The following DLK1 variants were observed in gnomAD, a reference collection of about 807,000 sequenced individuals.
The protein encoded by DLK1 is delta like non-canonical Notch ligand 1, also known as protein delta homolog 1.
DLK1 carries 9 observed loss-of-function variants against 35.2 expected under a neutral mutation model. The ratio of observed to expected loss-of-function variants is 0.26; its 90% CI spans 0.15 to 0.45. The LOEUF is 0.45. Ranked by LOEUF, DLK1 falls within the 20% of genes least tolerant of loss-of-function variation. The pLI is 1.00. For synonymous variants in DLK1, 231 were observed against 228.4 expected, an observed-to-expected ratio of 1.01 and a Z score of -0.10; for missense variants, 522 against 528.5, an observed-to-expected ratio of 0.99 and a Z score of 0.12.
At chr14:100,729,577 G>T (rs1284918767) in intron 3 of DLK1, among the ~76,000 whole-genome samples, 1 of 152,144 alleles carries the variant, frequency 6.6e-6, no homozygotes, top group African/African-American at 2.4e-5. Flanking sequence ...GACAGGGCTG[G>T]GGGGCCTGGA....
At chr14:100,730,245 G>A (rs1480238802) in intron 3 of DLK1, among the ~76,000 whole-genome samples, 2 of 152,218 alleles carry the variant, frequency 1.3e-5, no homozygotes, top group Non-Finnish European at 2.9e-5. Flanking sequence ...GCAGCTCTGA[G>A]TCGTTTGAGG....
chr14:100,734,719 C>T lies in DLK1; in HGVS notation c.975C>T (p.Val325=). The change falls in exon 5 of 5, where the codon GTC becomes GTT. Residue 325 remains valine, a synonymous_variant. Transcript: ENST00000341267. This position sits in a 1 kb window ranked among gnomAD's most constrained non-coding sequence, Gnocchi z 7.4. ...TGGTGCTGGGCACTGTGGGTATCGT[C>T]TTCCTCAACAAGTGCGAGACCTGGG... The part of the protein sequence containing the change: ...SLVVLGTVGI[V]FLNKCETWVS... 1 of 1,614,116 alleles carries T rather than the reference C, an allele frequency of 6.2e-7. No individual in the cohort carries two copies. The highest frequency in any genetic ancestry group is 1.6e-4 in the Middle Eastern group (1 of 6,062).
intron 3 of DLK1, chr14:100,729,304 C>T: frequency 2.8e-6 from 2 of 714,242 alleles, no homozygotes; most frequent in Non-Finnish European, 4.9e-6. Flanking sequence ...CTAGAGGGAA[C>T]ATGGCGTGGG....
rs1294126774 is a variant in DLK1 at position 100,728,959 on chromosome 14, C to T, written c.155C>T (p.Pro52Leu). 1.2e-6 allele frequency: 2 copies of T among 1,613,900 alleles called. No homozygotes were observed. Among genetic ancestry groups the T allele is most frequent in the African/African-American group, 1.3e-5 (1 of 74,898 alleles). The change falls in exon 3 of 5, where the codon CCC (proline) becomes CTC (leucine). Residue 52 changes from proline (P) to leucine (L), a missense_variant. Physicochemically the swap from Pro to Leu is moderately conservative, Grantham distance 98. Transcript: ENST00000341267. ...VCRCQPGWQG[P>L]LCDQCVTSPG... is the part of the protein sequence containing the mutation. The stretch of plus-strand genomic sequence containing the variant: ...AGGTGCCAGCCTGGCTGGCAGGGTC[C>T]CCTTTGTGACCAGTGCGTGACCTCT...
intron 1 of DLK1, 133 bp downstream of exon 1, chr14:100,727,268 C>A: frequency 1.1e-6 from 1 of 941,126 alleles, no homozygotes; most frequent in Non-Finnish European, 1.5e-6. Context: ...AAGCCCCGCG[C>A]TGTGCCTGTC....
At chr14:100,728,489 G>A in intron 2 of DLK1, 30 bp downstream of exon 2, 3 of 1,612,888 alleles carry the variant, frequency 1.9e-6, no homozygotes, top group East Asian at 2.2e-5. Flanking sequence ...GAGGCAGCTT[G>A]TAGGGGCCAC....
chr14:100,728,495 G>A, intron 2 of DLK1, 36 bp downstream of exon 2: 2 of 1,611,656 alleles, frequency 1.2e-6, no homozygotes, highest in Non-Finnish European at 1.7e-6. Flanking sequence ...GCTTGTAGGG[G>A]CCACGCAGAA....
In DLK1 at chr14:100,734,153, C is replaced by T. The variant is rs1231575154; in HGVS notation, c.409C>T (p.Pro137Ser). The change falls in exon 5 of 5, where the codon CCC (proline) becomes TCC (serine). Residue 137 changes from proline to serine, a missense_variant. Pro to Ser is a moderately conservative substitution (Grantham distance 74). Transcript: ENST00000341267. This position sits in a 1 kb window ranked among gnomAD's most constrained non-coding sequence, Gnocchi z 7.4. The part of the protein sequence containing the change: ...KDGPCVINGS[P>S]CQHGGTCVDD... ...TATGTCCCTGTTGTGTTGCAGCTCC[C>T]CCTGCCAGCACGGAGGCACCTGCGT... is the stretch of plus-strand genomic sequence containing the variant. 1 of 1,602,068 alleles carries T rather than the reference C, an allele frequency of 6.2e-7. No homozygotes were observed. Among genetic ancestry groups the T allele is most frequent in the Admixed American group, 1.7e-5 (1 of 59,088 alleles).
Position 100,727,907 on chromosome 14 carries a change from A to T in DLK1, c.68-489A>T, listed in dbSNP as rs189215760. Among the ~76,000 whole-genome samples the T allele has an allele frequency of 2.3e-3, 343 of 152,144 alleles. 2 individuals carry two copies. Among genetic ancestry groups the T allele is most frequent in the Non-Finnish European group, 3.8e-3 (256 of 67,980 alleles). ...GACCTGGGTGCCCGGCTTAATAGGG[A>T]TGAACCTTAAAAAGAATGCAGACGC... On this transcript the variant is annotated intron_variant, in intron 1 of 4. Coordinates refer to ENST00000341267, the MANE Select transcript of DLK1 (RefSeq NM_003836.7).
chr14:100,732,506 T>G (rs1272992916), intron 4 of DLK1, among the ~76,000 whole-genome samples: 2 of 152,224 alleles, frequency 1.3e-5, no homozygotes, highest in Non-Finnish European at 1.5e-5. Flanking sequence ...AGTAAAAGAT[T>G]GGAGCTCCGC....
chr14:100,727,891 G>T (rs1047610867), intron 1 of DLK1, among the ~76,000 whole-genome samples: 2 of 152,040 alleles, frequency 1.3e-5, no homozygotes, highest in African/African-American at 4.8e-5. Flanking sequence ...TGACCTGGGT[G>T]CCCGGCTTAA....
chr14:100,733,684 C>T (rs2036534534), intron 4 of DLK1, among the ~76,000 whole-genome samples: 1 of 152,178 alleles, frequency 6.6e-6, no homozygotes. Context: ...TTCTTCTGCC[C>T]CAGCAGTCCA....
chr14:100,729,477 CT>C (rs1241924162), intron 3 of DLK1, among the ~76,000 whole-genome samples: 2 of 151,290 alleles, frequency 1.3e-5, no homozygotes, highest in African/African-American at 4.9e-5. Context: ...ACACGCAAGA[CT>C]GTAAAGAGGC....
In DLK1 at chr14:100,734,061, A is replaced by G. The variant is rs1286677187; in HGVS notation, c.405-88A>G. ...TAAGCACCTGCCCCTTAGTCAGGCC[A>G]GGGACCTTCTGCCCTGAGCCCCGTG... On this transcript the variant is annotated intron_variant, in intron 4 of 4. Coordinates refer to ENST00000341267, the MANE Select transcript of DLK1 (RefSeq NM_003836.7). The surrounding 1 kb of genome is among the most constrained non-coding windows in gnomAD (Gnocchi z 7.4). 6.1e-6 allele frequency: 9 copies of G among 1,483,612 alleles called. No homozygotes were observed. The highest frequency in any genetic ancestry group is 8.1e-6 in the Non-Finnish European group (9 of 1,115,710). The allele number at this position is 1,483,612 out of a possible 1,614,324, so 91.9% of individuals were successfully genotyped here. A position where few individuals can be genotyped will look rare whatever the true frequency, so the allele number is the denominator to read the frequency against.
At chr14:100,732,010 G>A (rs1175291449) in intron 3 of DLK1, 32 bp from the exon 4 acceptor site, 5 of 1,595,016 alleles carry the variant, frequency 3.1e-6, no homozygotes, top group South Asian at 2.3e-5. Flanking sequence ...TGGAGAGGAA[G>A]CTAAGTTCTC....
Position 100,734,945 on chromosome 14 carries a change from A to G in DLK1, c.*49A>G, listed in dbSNP as rs753535246. On this transcript the variant is annotated 3_prime_UTR_variant, in exon 5 of 5. Coordinates refer to ENST00000341267, the MANE Select transcript of DLK1 (RefSeq NM_003836.7). The surrounding 1 kb of genome is among the most constrained non-coding windows in gnomAD (Gnocchi z 7.4). ...AGATTCTTGGAGTTCCGCAGAGCTTACTATACGCGGTCTGTCCTAATCTTT... is the reference window on the plus strand; with the variant it reads ...AGATTCTTGGAGTTCCGCAGAGCTTGCTATACGCGGTCTGTCCTAATCTTT... The G allele has an allele frequency of 3.3e-6, 5 of 1,523,890 alleles. No homozygotes were observed. Among genetic ancestry groups the G allele is most frequent in the Non-Finnish European group, 4.4e-6 (5 of 1,142,976 alleles). The allele number at this position is 1,523,890 out of a possible 1,614,324, so 94.4% of individuals were successfully genotyped here.
rs2036583629 is a variant in DLK1 at position 100,737,184 on chromosome 14, C to T, written c.*2288C>T. The stretch of plus-strand genomic sequence containing the variant: ...CCCCAAACCCCTGGGTCCTCCACCC[C>T]AATCTCTGACAACCGCCCCAAGTCC... On this transcript the variant is annotated 3_prime_UTR_variant, in exon 5 of 5. Coordinates refer to ENST00000341267, the MANE Select transcript of DLK1 (RefSeq NM_003836.7). 7.1e-6 allele frequency: 1 copy of T among 141,280 alleles called. No homozygotes were observed. Among genetic ancestry groups the T allele is most frequent in the Non-Finnish European group, 1.5e-5 (1 of 65,724 alleles). The allele number at this position is 141,280 out of a possible 1,614,324, so 8.8% of individuals were successfully genotyped here. A position where few individuals can be genotyped will look rare whatever the true frequency, so the allele number is the denominator to read the frequency against.
rs891392288 is a variant in DLK1, at chr14:100,736,401, C to G, written c.*1505C>G. ...CTCCAGGTGTTTATTTCTAAGTCATCATCACCTTCGTCATCTACAGTCAGT... is the reference window on the plus strand; with the variant it reads ...CTCCAGGTGTTTATTTCTAAGTCATGATCACCTTCGTCATCTACAGTCAGT... On this transcript the variant is annotated 3_prime_UTR_variant, in exon 5 of 5. Coordinates refer to ENST00000341267, the MANE Select transcript of DLK1 (RefSeq NM_003836.7). The G allele has an allele frequency of 7.9e-5, 12 of 152,130 alleles. No homozygotes were observed. The highest frequency in any genetic ancestry group is 2.9e-4 in the African/African-American group (12 of 41,340). 9.4% of individuals were successfully genotyped at this position (152,130 alleles called of 1,614,324 possible).
At chr14:100,728,564 G>A in intron 2 of DLK1, 105 bp downstream of exon 2, 2 of 1,008,914 alleles carry the variant, frequency 2.0e-6, no homozygotes, top group East Asian at 4.9e-5. Context: ...CTACGCTGCA[G>A]CAAACAGCTT....
Sources: gnomAD v4.1 joint callset for allele counts (sites outside exome capture counted in the v4.1 genomes callset) on GRCh38, gnomAD v4.1.1 for gene constraint, Gnocchi (gnomAD v3.1) non-coding constraint, MANE v1.5 for transcripts, NCBI Gene and HGNC (gene_info 2026-07-23, HGNC 2026-07-21) for gene names.